The following SPMIP2 variants were observed in gnomAD, a reference collection of about 807,000 sequenced individuals.
SPMIP2 encodes the protein sperm microtubule inner protein 2.
the SPMIP2 span, among the ~76,000 whole-genome samples, chr4:158,982,807 C>T: frequency 5.9e-5 from 9 of 151,918 alleles, no homozygotes; most frequent in South Asian, 2.1e-4. Flanking sequence ...CAAAGCTGGA[C>T]GGAGAATGAC....
At chr4:159,033,470 C>T in the SPMIP2 span, among the ~76,000 whole-genome samples, 679 of 151,946 alleles carry the variant, frequency 4.5e-3, 13 homozygotes, top group Admixed American at 0.019. Flanking sequence ...AAATTATTTA[C>T]GAGATTGTAG....
the SPMIP2 span, among the ~76,000 whole-genome samples, chr4:158,902,317 T>C: frequency 6.6e-6 from 1 of 152,208 alleles, no homozygotes; most frequent in Non-Finnish European, 1.5e-5. Flanking sequence ...CAGCGGAGGC[T>C]GTAGAACAGC....
At chr4:158,931,338 C>T in the SPMIP2 span, among the ~76,000 whole-genome samples, 1 of 152,104 alleles carries the variant, frequency 6.6e-6, no homozygotes, top group Non-Finnish European at 1.5e-5. Flanking sequence ...CAACCTCTGC[C>T]TCCTGGGTTC....
At chr4:158,942,477 A>G in the SPMIP2 span, among the ~76,000 whole-genome samples, 2 of 152,228 alleles carry the variant, frequency 1.3e-5, no homozygotes, top group African/African-American at 4.8e-5. Flanking sequence ...CAGCACAAAT[A>G]GGTAATCCTG....
At chr4:159,017,113 AG>A in the SPMIP2 span, among the ~76,000 whole-genome samples, 1 of 152,178 alleles carries the variant, frequency 6.6e-6, no homozygotes, top group African/African-American at 2.4e-5. Flanking sequence ...GAGAAATGTT[AG>A]ATGGGAAAGG....
the SPMIP2 span, among the ~76,000 whole-genome samples, chr4:159,009,653 G>C: frequency 1.3e-5 from 2 of 152,060 alleles, no homozygotes; most frequent in South Asian, 2.1e-4. Flanking sequence ...CGTTGCTATT[G>C]AGAGGCTCTC....
the SPMIP2 span, among the ~76,000 whole-genome samples, chr4:159,044,382 AAAAAAAAGAG>A: frequency 6.6e-6 from 1 of 151,480 alleles, no homozygotes; most frequent in South Asian, 2.1e-4. Flanking sequence ...AAAAAAAAAA[AAAAAAAAGAG>A]AGAAAGAAAA....
the SPMIP2 span, among the ~76,000 whole-genome samples, chr4:159,034,706 C>T: frequency 4.6e-5 from 7 of 152,126 alleles, no homozygotes; most frequent in Non-Finnish European, 1.0e-4. Context: ...GCCTGGCCAA[C>T]ATGGTGAAAC....
chr4:159,041,982 C>T, the SPMIP2 span, among the ~76,000 whole-genome samples: 1 of 152,150 alleles, frequency 6.6e-6, no homozygotes, highest in African/African-American at 2.4e-5. Flanking sequence ...ATTTTGGGTT[C>T]TTAATAACTG....
the SPMIP2 span, among the ~76,000 whole-genome samples, chr4:159,043,169 T>A: frequency 2.0e-5 from 3 of 152,130 alleles, no homozygotes; most frequent in Admixed American, 1.3e-4. Flanking sequence ...CCAAACATGT[T>A]TCGAGTTATT....
the SPMIP2 span, among the ~76,000 whole-genome samples, chr4:158,976,897 T>C: frequency 6.6e-6 from 1 of 152,082 alleles, no homozygotes; most frequent in Non-Finnish European, 1.5e-5. Context: ...CTTGACCTTG[T>C]GATCCACCTG....
chr4:158,915,216 C>T, the SPMIP2 span: 1 of 1,613,636 alleles, frequency 6.2e-7, no homozygotes, highest in Non-Finnish European at 8.5e-7. Context: ...TTTGGAAGCT[C>T]TTGGCAATGA....
chr4:158,998,451 C>T, the SPMIP2 span, among the ~76,000 whole-genome samples: 3 of 152,174 alleles, frequency 2.0e-5, no homozygotes, highest in African/African-American at 7.2e-5. Flanking sequence ...TTTGTAGATT[C>T]ATAAAAGAAC....
At chr4:159,022,200 G>A in the SPMIP2 span, among the ~76,000 whole-genome samples, 1 of 152,078 alleles carries the variant, frequency 6.6e-6, no homozygotes, top group Non-Finnish European at 1.5e-5. Context: ...AATGCTACCA[G>A]CATTTATTCA....
chr4:159,054,049 C>T, the SPMIP2 span, among the ~76,000 whole-genome samples: 2 of 152,200 alleles, frequency 1.3e-5, no homozygotes, highest in African/African-American at 4.8e-5. Context: ...TCGTCACTCA[C>T]TGCAGTCTCC....
chr4:158,915,373 A>G, the SPMIP2 span: 1 of 1,596,198 alleles, frequency 6.3e-7, no homozygotes, highest in South Asian at 1.1e-5. Context: ...GAATAGGAAC[A>G]AATTGGTTCT....
chr4:159,017,308 G>A, the SPMIP2 span, among the ~76,000 whole-genome samples: 13 of 151,776 alleles, frequency 8.6e-5, no homozygotes, highest in African/African-American at 2.9e-4. Flanking sequence ...AATCAAACTT[G>A]TAAGTTAGTG....
chr4:158,973,127 C>CTCCAACCAAT, the SPMIP2 span: 1 of 1,610,594 alleles, frequency 6.2e-7, no homozygotes, highest in Admixed American at 1.7e-5. Context: ...TAAAATTATA[C>CTCCAACCAAT]TGTGGTATTC....
the SPMIP2 span, among the ~76,000 whole-genome samples, chr4:158,910,958 A>G: frequency 2.0e-5 from 3 of 152,216 alleles, no homozygotes; most frequent in African/African-American, 7.2e-5. Flanking sequence ...AGATCAGTCC[A>G]ATGATATGGT....
Sources: allele counts gnomAD v4.1 joint callset (sites outside exome capture counted in the v4.1 genomes callset), GRCh38; gene constraint gnomAD v4.1.1; transcripts MANE v1.5; gene names NCBI Gene and HGNC (gene_info 2026-07-23, HGNC 2026-07-21).